VAV2: variants seen among roughly 807,000 people sequenced by gnomAD.
VAV2 encodes the protein vav guanine nucleotide exchange factor 2, also known as guanine nucleotide exchange factor VAV2.
VAV2 carries 67 observed loss-of-function variants against 132.5 expected under a neutral mutation model. The observed-to-expected ratio is 0.51, with a 90% confidence interval of 0.42 to 0.62. The LOEUF is 0.62. Among genes scored for constraint, VAV2 ranks in the 20% least tolerant of loss-of-function variants. The probability of loss-of-function intolerance (pLI) is 0.00; values close to 1 mark genes in which losing one functional copy is unlikely to be tolerated. For synonymous variants in VAV2, 492 were observed against 443.5 expected (o/e 1.11, Z -1.37); for missense variants, 938 against 1,153.6 (o/e 0.81, Z 2.71).
At chr9:133,892,095 A>G (rs1440418061) in intron 2 of VAV2, among the ~76,000 whole-genome samples, 4 of 97,694 alleles carry the variant, frequency 4.1e-5, no homozygotes, top group African/African-American at 1.6e-4. Flanking sequence ...GGGGAAGGAG[A>G]GGGATGGGGG....
chr9:133,964,070 A>ATATGT (rs1564507864), intron 1 of VAV2, among the ~76,000 whole-genome samples: 2 of 89,382 alleles, frequency 2.2e-5, no homozygotes, highest in Non-Finnish European at 5.0e-5. Context: ...CATATATATA[A>ATATGT]ATGAATAGGC....
intron 2 of VAV2, among the ~76,000 whole-genome samples, chr9:133,894,641 C>T (rs1839123873): frequency 6.6e-6 from 1 of 152,158 alleles, no homozygotes; most frequent in African/African-American, 2.4e-5. Context: ...CCTTTCCCCA[C>T]CGTCTCAGGC....
At chr9:133,778,328 A>G (rs1833887677) in intron 22 of VAV2, among the ~76,000 whole-genome samples, 1 of 152,058 alleles carries the variant, frequency 6.6e-6, no homozygotes, top group Non-Finnish European at 1.5e-5. Flanking sequence ...CTGCCCGCTC[A>G]CCCCACGATC....
At chr9:133,915,985 T>G (rs554894198) in intron 2 of VAV2, among the ~76,000 whole-genome samples, 90 of 150,446 alleles carry the variant, frequency 6.0e-4, no homozygotes, top group Non-Finnish European at 1.0e-3. Context: ...ACTCACACGA[T>G]GCACACATGA....
chr9:133,961,650 C>A lies in VAV2; in HGVS notation c.205-22431G>T, dbSNP rs534485872. 2.0e-5 allele frequency among the ~76,000 whole-genome samples: 3 copies of A among 152,208 alleles called. No individual in the cohort carries two copies. The highest frequency in any genetic ancestry group is 7.2e-5 in the African/African-American group (3 of 41,434). Reference sequence around the variant, plus strand: ...CCCAGGTGCTCCAGTCCCCAGAGCACGCATAAGCCTCAGCCAGTTTTACTT... The same window carrying A: ...CCCAGGTGCTCCAGTCCCCAGAGCAAGCATAAGCCTCAGCCAGTTTTACTT... On this transcript the variant is annotated intron_variant, in intron 1 of 29. Coordinates refer to ENST00000371850, the MANE Select transcript of VAV2 (RefSeq NM_001134398.2). This position sits in a 1 kb window ranked among gnomAD's most constrained non-coding sequence, Gnocchi z 4.1.
At position 133,879,327 on chromosome 9, in the gene VAV2, G is replaced by A. The variant is rs973957076; in HGVS notation, c.322-17895C>T. Among the ~76,000 whole-genome samples, 7 of 152,064 alleles carry A rather than the reference G, an allele frequency of 4.6e-5. No homozygotes were observed. Among genetic ancestry groups the A allele is most frequent in the African/African-American group, 1.7e-4 (7 of 41,406 alleles). ...GAACCAGCAGGGTGTGATCAATGCC[G>A]CAGGGTAAAGAACAGAGCAGCTGGG... is the stretch of plus-strand genomic sequence containing the variant. On this transcript the variant is annotated intron_variant, in intron 2 of 29. Transcript: ENST00000371850. This position sits in a 1 kb window ranked among gnomAD's most constrained non-coding sequence, Gnocchi z 4.4.
intron 2 of VAV2, among the ~76,000 whole-genome samples, chr9:133,929,511 C>T (rs778976491): frequency 1.3e-5 from 2 of 151,894 alleles, no homozygotes; most frequent in African/African-American, 2.4e-5. Flanking sequence ...GGAGGTTCCA[C>T]GGGGGTAGGG....
intron 4 of VAV2, among the ~76,000 whole-genome samples, chr9:133,817,658 CTTCAAG>C (rs1835614176): frequency 1.3e-5 from 2 of 152,196 alleles, no homozygotes; most frequent in East Asian, 1.9e-4. Context: ...ACCGTACTAT[CTTCAAG>C]TTCAACGACT....
intron 1 of VAV2, among the ~76,000 whole-genome samples, chr9:133,982,640 G>A (rs886965333): frequency 3.3e-5 from 5 of 152,302 alleles, no homozygotes; most frequent in African/African-American, 1.2e-4. Flanking sequence ...GTGCTTTGCA[G>A]GGCCCACCAC....
intron 1 of VAV2, among the ~76,000 whole-genome samples, chr9:133,974,821 C>T (rs1842454741): frequency 6.6e-6 from 1 of 152,018 alleles, no homozygotes; most frequent in Non-Finnish European, 1.5e-5. Flanking sequence ...AAGGCTTCTG[C>T]TTCCAGGACT....
chr9:133,930,110 T>C (rs1840625483), intron 2 of VAV2, among the ~76,000 whole-genome samples: 1 of 152,166 alleles, frequency 6.6e-6, no homozygotes, highest in Non-Finnish European at 1.5e-5. Flanking sequence ...ACACCGGTGG[T>C]CATTGCACTG....
chr9:133,923,258 C>T (rs991026972), intron 2 of VAV2, among the ~76,000 whole-genome samples: 1 of 152,100 alleles, frequency 6.6e-6, no homozygotes, highest in Non-Finnish European at 1.5e-5. Context: ...ATGGTGACGC[C>T]ACTGGGGAGA....
intron 2 of VAV2, among the ~76,000 whole-genome samples, chr9:133,927,265 C>T (rs574092180): frequency 2.6e-5 from 4 of 152,278 alleles, no homozygotes; most frequent in African/African-American, 7.2e-5. Context: ...CGGCAGACAA[C>T]GCTAATCAAT....
intron 3 of VAV2, among the ~76,000 whole-genome samples, chr9:133,843,442 C>T (rs147396561): frequency 3.7e-4 from 57 of 152,242 alleles, no homozygotes; most frequent in African/African-American, 1.1e-3. Flanking sequence ...CTTGGCCTCA[C>T]GCGATCCTCC....
At chr9:133,791,508 T>C (rs556573374) in intron 13 of VAV2, among the ~76,000 whole-genome samples, 1 of 152,192 alleles carries the variant, frequency 6.6e-6, no homozygotes, top group Admixed American at 6.5e-5. Flanking sequence ...GGGCAATGAA[T>C]ACAGTCCCTC....
chr9:133,835,415 G>A (rs1377843163), intron 3 of VAV2, among the ~76,000 whole-genome samples: 1 of 152,000 alleles, frequency 6.6e-6, no homozygotes, highest in Non-Finnish European at 1.5e-5. Context: ...GGGAGGGAGG[G>A]GTGGGGAGGG....
At chr9:133,843,402 T>C (rs1465553053) in intron 3 of VAV2, among the ~76,000 whole-genome samples, 1 of 152,200 alleles carries the variant, frequency 6.6e-6, no homozygotes, top group Non-Finnish European at 1.5e-5. Context: ...AGATGGGGTC[T>C]TGCTATACTG....
intron 9 of VAV2, among the ~76,000 whole-genome samples, chr9:133,803,193 AG>A (rs1835004060): frequency 6.6e-6 from 1 of 152,096 alleles, no homozygotes; most frequent in Non-Finnish European, 1.5e-5. Flanking sequence ...CCACATACGC[AG>A]GGAGATCCCA....
Position 133,796,477 on chromosome 9 carries a change from C to G in VAV2, c.984G>C (p.Leu328=). The change falls in exon 11 of 30, where the codon CTG becomes CTC. Residue 328 remains leucine, a synonymous_variant. Coordinates refer to ENST00000371850, the MANE Select transcript of VAV2 (RefSeq NM_001134398.2). ...GCACCCTCTGCATGGGGACCACCAGCAGGTCTTGCAGCTTAAATTTTCCAT... is the reference window on the plus strand; with the variant it reads ...GCACCCTCTGCATGGGGACCACCAGGAGGTCTTGCAGCTTAAATTTTCCAT... ...VQDGKFKLQD[L]LVVPMQRVLK... 2 of 1,613,936 alleles carry G rather than the reference C, an allele frequency of 1.2e-6. No individual in the cohort carries two copies. The highest frequency in any genetic ancestry group is 2.2e-5 in the South Asian group (2 of 91,016).
Sources: allele counts gnomAD v4.1 joint callset (sites outside exome capture counted in the v4.1 genomes callset), GRCh38; gene constraint gnomAD v4.1.1; non-coding constraint Gnocchi (gnomAD v3.1); transcripts MANE v1.5; gene names NCBI Gene and HGNC (gene_info 2026-07-23, HGNC 2026-07-21).